Variants in ATG7 observed in about 807,000 individuals in gnomAD.
ATG7 encodes ubiquitin-like modifier-activating enzyme ATG7.
ATG7 carries 70 observed loss-of-function variants against 82.4 expected under a neutral mutation model. The observed-to-expected ratio is 0.85, with a 90% confidence interval of 0.70 to 1.04. ATG7 has a LOEUF of 1.04. ATG7 is among the 50% of genes least tolerant of loss of function. The probability of loss-of-function intolerance (pLI) is 0.00; values close to 1 mark genes in which losing one functional copy is unlikely to be tolerated. For synonymous variants in ATG7, 287 were observed against 313.0 expected, an observed-to-expected ratio of 0.92 and a Z score of 0.88; for missense variants, 792 against 864.3, an observed-to-expected ratio of 0.92 and a Z score of 1.05.
chr3:11,564,639 G>A, the ATG7 span: 1 of 838,272 alleles, frequency 1.2e-6, no homozygotes, highest in Non-Finnish European at 1.8e-6. Flanking sequence ...TGTCCCAAGT[G>A]CACAACAGAG....
chr3:11,340,601 A>G lies in ATG7; in HGVS notation c.890-44A>G, dbSNP rs1163065801. 4 of 1,551,958 alleles carry G rather than the reference A, an allele frequency of 2.6e-6. No homozygotes were observed. In the Admixed American group the frequency reaches 5.1e-5, roughly 20 times the overall value. On this transcript the variant is annotated intron_variant, in intron 11 of 20. Transcript: ENST00000693202. ...GTCGTTGCTTGATCTGCTTGTTTTTATTCTTCCCTCCTTCATTAAACTTTG... is the reference window on the plus strand; with the variant it reads ...GTCGTTGCTTGATCTGCTTGTTTTTGTTCTTCCCTCCTTCATTAAACTTTG...
intron 20 of ATG7, among the ~76,000 whole-genome samples, chr3:11,478,481 ACATTAT>A (rs1025010720): frequency 4.1e-4 from 62 of 152,202 alleles, no homozygotes; most frequent in African/African-American, 1.4e-3. Flanking sequence ...TGTCATGGCT[ACATTAT>A]CATGAGGGAT....
intron 19 of ATG7, among the ~76,000 whole-genome samples, chr3:11,410,385 T>G (rs2080784197): frequency 7.1e-6 from 1 of 140,768 alleles, no homozygotes; most frequent in East Asian, 1.9e-4. Context: ...GAAATTTGTC[T>G]TGTTGACAAA....
chr3:11,431,073 T>C (rs2082832359), intron 20 of ATG7, among the ~76,000 whole-genome samples: 1 of 152,196 alleles, frequency 6.6e-6, no homozygotes, highest in South Asian at 2.1e-4. Context: ...TTTTTAATAA[T>C]AGCTTTATTG....
intron 20 of ATG7, among the ~76,000 whole-genome samples, chr3:11,502,033 C>CAGAT (rs2091367150): frequency 2.4e-5 from 1 of 41,470 alleles, no homozygotes; most frequent in Admixed American, 2.8e-4. Context: ...CATATATACA[C>CAGAT]ACATACACAC....
intron 9 of ATG7, among the ~76,000 whole-genome samples, chr3:11,327,849 T>C (rs1951093531): frequency 6.6e-6 from 1 of 152,182 alleles, no homozygotes; most frequent in Non-Finnish European, 1.5e-5. Context: ...AAATGCAAAC[T>C]CTGATTCAGC....
intron 19 of ATG7, among the ~76,000 whole-genome samples, chr3:11,409,970 T>C (rs1256214787): frequency 6.6e-6 from 1 of 152,216 alleles, no homozygotes. Flanking sequence ...TTGCTGACTG[T>C]AGCTGTACAG....
chr3:11,300,391 A>G (rs1946606074), intron 5 of ATG7, among the ~76,000 whole-genome samples: 2 of 152,190 alleles, frequency 1.3e-5, no homozygotes, highest in African/African-American at 4.8e-5. Flanking sequence ...TTTAGAAAGC[A>G]GGGGTGAGAG....
chr3:11,500,571 A>T (rs1410286431), intron 20 of ATG7, among the ~76,000 whole-genome samples: 1 of 152,234 alleles, frequency 6.6e-6, no homozygotes, highest in East Asian at 1.9e-4. Flanking sequence ...CATGTAGAAA[A>T]TGATGTGAAA....
chr3:11,552,047 C>T (rs1470508202), intron 20 of ATG7, among the ~76,000 whole-genome samples: 1 of 152,248 alleles, frequency 6.6e-6, no homozygotes, highest in Non-Finnish European at 1.5e-5. Flanking sequence ...CCACGCCCGG[C>T]CTCTTTCATT....
At chr3:11,323,659 A>G (rs1385905713) in intron 9 of ATG7, among the ~76,000 whole-genome samples, 1 of 152,226 alleles carries the variant, frequency 6.6e-6, no homozygotes, top group Non-Finnish European at 1.5e-5. Context: ...AATGTTGTGT[A>G]ATTTCAACAA....
chr3:11,327,765 G>A (rs901875562), intron 9 of ATG7, among the ~76,000 whole-genome samples: 3 of 152,156 alleles, frequency 2.0e-5, no homozygotes, highest in South Asian at 2.1e-4. Context: ...TGAGATCCAC[G>A]GCCATTAGAA....
intron 20 of ATG7, among the ~76,000 whole-genome samples, chr3:11,516,408 A>G (rs1270773582): frequency 2.0e-5 from 3 of 152,228 alleles, no homozygotes; most frequent in African/African-American, 7.2e-5. Flanking sequence ...CCATGTAAAC[A>G]CCTACTAGAA....
At chr3:11,482,957 G>C (rs2089190204) in intron 20 of ATG7, among the ~76,000 whole-genome samples, 2 of 151,654 alleles carry the variant, frequency 1.3e-5, no homozygotes, top group South Asian at 2.1e-4. Context: ...GCCCCTTACA[G>C]TCAGTACCCC....
At chr3:11,352,633 C>T (rs532986380) in intron 14 of ATG7, among the ~76,000 whole-genome samples, 11 of 152,302 alleles carry the variant, frequency 7.2e-5, no homozygotes, top group African/African-American at 1.9e-4. Context: ...TACCAGGCCA[C>T]GGAGAAAAGG....
intron 20 of ATG7, among the ~76,000 whole-genome samples, chr3:11,485,421 A>G (rs187674404): frequency 6.6e-6 from 1 of 152,146 alleles, no homozygotes; most frequent in South Asian, 2.1e-4. Flanking sequence ...GTTTGAGTTC[A>G]TTGTAGATTC....
intron 19 of ATG7, among the ~76,000 whole-genome samples, chr3:11,418,290 T>G (rs1186263039): frequency 1.3e-5 from 2 of 151,496 alleles, no homozygotes; most frequent in Non-Finnish European, 1.5e-5. Flanking sequence ...TTTTTTATAT[T>G]TTGTAGAGAC....
At chr3:11,479,000 ACACAC>A (rs1559709220) in intron 20 of ATG7, among the ~76,000 whole-genome samples, 1,908 of 150,444 alleles carry the variant, frequency 0.013, 50 homozygotes, top group African/African-American at 0.04. Flanking sequence ...ACACACACAC[ACACAC>A]ACACACACAC....
At position 11,515,984 on chromosome 3, in the gene ATG7, G is replaced by A. The variant is rs188413409; in HGVS notation, c.2080-38827G>A. On this transcript the variant is annotated intron_variant, in intron 20 of 20. Transcript: ENST00000693202. The stretch of plus-strand genomic sequence containing the variant: ...AAAGTTTGTGGAAGGGCAGGGTAGA[G>A]GCATGGGGGAAGGACATACGTTTTG... Among the ~76,000 whole-genome samples, 71 of 151,812 alleles carry A rather than the reference G, an allele frequency of 4.7e-4. 1 individual carries two copies. Among genetic ancestry groups the A allele is most frequent in the East Asian group, 1.9e-4 (1 of 5,166 alleles).
Sources: allele counts gnomAD v4.1 joint callset (sites outside exome capture counted in the v4.1 genomes callset), GRCh38; gene constraint gnomAD v4.1.1; transcripts MANE v1.5; gene names NCBI Gene and HGNC (gene_info 2026-07-23, HGNC 2026-07-21).